CD1B: variants seen among roughly 807,000 people sequenced by gnomAD.
CD1B encodes T-cell surface glycoprotein CD1b.
Under a neutral mutation model 39.8 loss-of-function variants are expected in CD1B, and 43 were observed. That is an observed-to-expected ratio of 1.08 (90% CI 0.85 to 1.39). CD1B has a LOEUF of 1.39. Ranked by LOEUF, CD1B falls within the 40% of genes most tolerant of loss-of-function variation. The pLI is 0.00. For synonymous variants in CD1B, 192 were observed against 152.5 expected, an observed-to-expected ratio of 1.26 and a Z score of -1.91; for missense variants, 495 against 403.8, an observed-to-expected ratio of 1.23 and a Z score of -1.94.
downstream of CD1B, among the ~76,000 whole-genome samples, chr1:158,325,256 A>T (rs1652311096): frequency 6.6e-6 from 1 of 152,140 alleles, no homozygotes; most frequent in African/African-American, 2.4e-5. Context: ...GAGGGTCCAT[A>T]GTTCCCAATA....
the CD1B span, among the ~76,000 whole-genome samples, chr1:158,307,173 C>A: frequency 0.012 from 1,759 of 152,040 alleles, 34 homozygotes; most frequent in African/African-American, 0.04. Context: ...ACAAAATTGA[C>A]AGACTGCTAG....
the CD1B span, among the ~76,000 whole-genome samples, chr1:158,304,708 C>G: frequency 6.6e-6 from 1 of 152,180 alleles, no homozygotes; most frequent in African/African-American, 2.4e-5. Context: ...AGACTGACAC[C>G]TCACACGGCA....
At chr1:158,316,314 T>G in the CD1B span, among the ~76,000 whole-genome samples, 27 of 151,980 alleles carry the variant, frequency 1.8e-4, no homozygotes, top group African/African-American at 5.6e-4. Flanking sequence ...CCATTTGTTT[T>G]TATCCTCTTT....
chr1:158,329,664 GAAA>G lies in CD1B; in HGVS notation c.608-19_608-17del. 1 of 1,599,002 alleles carries G rather than the reference GAAA, an allele frequency of 6.3e-7. No homozygotes were observed. Among genetic ancestry groups the G allele is most frequent in the South Asian group, 1.1e-5 (1 of 89,244 alleles). ...TCAGGCTTCACTAAGGCAGGAAGGA[GAAA>G]AAAAAGTGTCATGTTATAACTCGAG... is the stretch of plus-strand genomic sequence containing the variant. On this transcript the variant is annotated splice_polypyrimidine_tract_variant and intron_variant, in intron 3 of 5. Transcript: ENST00000368168.
the CD1B span, among the ~76,000 whole-genome samples, chr1:158,294,284 TTATCTGAGA>T: frequency 1.3e-5 from 2 of 152,364 alleles, no homozygotes; most frequent in Non-Finnish European, 2.9e-5. Flanking sequence ...AAGGACTGTG[TTATCTGAGA>T]TAGCCTTGGC....
At chr1:158,322,552 G>C in the CD1B span, among the ~76,000 whole-genome samples, 2 of 151,890 alleles carry the variant, frequency 1.3e-5, no homozygotes, top group African/African-American at 2.4e-5. Context: ...TTACAGCCAT[G>C]AGCTACCATG....
At chr1:158,312,472 A>T in the CD1B span, among the ~76,000 whole-genome samples, 1 of 152,196 alleles carries the variant, frequency 6.6e-6, no homozygotes, top group Non-Finnish European at 1.5e-5. Context: ...CTTTATTAGC[A>T]GGACGAAAAT....
At chr1:158,287,725 TATA>T in the CD1B span, among the ~76,000 whole-genome samples, 1 of 152,234 alleles carries the variant, frequency 6.6e-6, no homozygotes, top group Admixed American at 6.5e-5. Flanking sequence ...TACTGGGTTT[TATA>T]ATATTATCCA....
At chr1:158,316,093 A>G in the CD1B span, among the ~76,000 whole-genome samples, 2 of 151,960 alleles carry the variant, frequency 1.3e-5, no homozygotes, top group African/African-American at 4.8e-5. Flanking sequence ...AGGTAGTGTG[A>G]TGCCTCCAGC....
the CD1B span, among the ~76,000 whole-genome samples, chr1:158,294,578 T>C: frequency 1.3e-5 from 2 of 152,226 alleles, no homozygotes; most frequent in Non-Finnish European, 2.9e-5. Flanking sequence ...GTTCTATTTA[T>C]TTTGATAATT....
At chr1:158,316,229 T>C in the CD1B span, among the ~76,000 whole-genome samples, 1 of 152,070 alleles carries the variant, frequency 6.6e-6, no homozygotes, top group Non-Finnish European at 1.5e-5. Context: ...TGGCATTGAA[T>C]CTGTAAATTA....
the CD1B span, among the ~76,000 whole-genome samples, chr1:158,304,419 G>T: frequency 6.6e-6 from 1 of 152,178 alleles, no homozygotes; most frequent in Non-Finnish European, 1.5e-5. Flanking sequence ...GCCTAGGCTT[G>T]AGTAGGTAAA....
the CD1B span, chr1:158,293,453 A>C: frequency 9.3e-6 from 15 of 1,613,746 alleles, no homozygotes; most frequent in Non-Finnish European, 1.3e-5. Flanking sequence ...GTTCCTTCAC[A>C]GCTCATATCA....
chr1:158,330,000 T>G lies in CD1B; in HGVS notation c.459A>C (p.Pro153=). ...SVKNASCVPS[P]EGGSRAQKFC... ...ATTTCTGTGCCCTGCTGCCACCTTC[T>G]GGGGAAGGCACACATGAAGCATTCT... is the stretch of plus-strand genomic sequence containing the variant. The change falls in exon 3 of 6, where the codon CCA becomes CCC. Residue 153 remains proline (P), a synonymous_variant. Coordinates refer to ENST00000368168, the MANE Select transcript of CD1B (RefSeq NM_001764.3). 6.2e-7 allele frequency: 1 copy of G among 1,614,110 alleles called. No homozygotes were observed. Among genetic ancestry groups the G allele is most frequent in the Non-Finnish European group, 8.5e-7 (1 of 1,180,014 alleles).
At chr1:158,292,925 T>A in the CD1B span, 1 of 1,575,476 alleles carries the variant, frequency 6.3e-7, no homozygotes, top group Non-Finnish European at 8.7e-7. Context: ...GCCTAGAGGT[T>A]AGGGGAGAGG....
the CD1B span, among the ~76,000 whole-genome samples, chr1:158,291,555 C>T: frequency 1.2e-4 from 18 of 152,218 alleles, no homozygotes; most frequent in African/African-American, 4.3e-4. Context: ...TGTTGACTCC[C>T]TCAAATTTCC....
At chr1:158,331,211 A>G in intron 1 of CD1B, 149 bp from the exon 2 acceptor site, 1 of 1,088,316 alleles carries the variant, frequency 9.2e-7, no homozygotes, top group Non-Finnish European at 1.3e-6. Context: ...TTAAGGCTTC[A>G]GGTTCTAGTC....
the CD1B span, chr1:158,292,956 C>A: frequency 7.3e-7 from 1 of 1,367,386 alleles, no homozygotes; most frequent in Non-Finnish European, 1.0e-6. Flanking sequence ...GATAGCAGAC[C>A]TAGGTGAGGG....
the CD1B span, among the ~76,000 whole-genome samples, chr1:158,298,136 A>G: frequency 1.3e-5 from 2 of 152,182 alleles, no homozygotes; most frequent in Admixed American, 6.6e-5. Context: ...ACAACTGTCA[A>G]AAAGGACATA....
Sources: gnomAD v4.1 joint callset for allele counts (sites outside exome capture counted in the v4.1 genomes callset) on GRCh38, gnomAD v4.1.1 for gene constraint, MANE v1.5 for transcripts, NCBI Gene and HGNC (gene_info 2026-07-23, HGNC 2026-07-21) for gene names.